Variants in LRP12 observed in about 807,000 individuals in gnomAD.
LRP12 encodes the protein LDL receptor related protein 12, also known as low-density lipoprotein receptor-related protein 12.
A neutral mutation model predicts 66.0 loss-of-function variants in LRP12; 14 were observed. That is an observed-to-expected ratio of 0.21 (90% CI 0.14 to 0.33). The LOEUF (loss-of-function observed/expected upper bound fraction) is 0.33. LRP12 is among the 10% of genes least tolerant of loss of function. The pLI, the probability that LRP12 is intolerant of heterozygous loss-of-function variation, is 1.00. For synonymous variants in LRP12, 357 were observed against 359.1 expected, an observed-to-expected ratio of 0.99 and a Z score of 0.07; for missense variants, 889 against 1,053.4, an observed-to-expected ratio of 0.84 and a Z score of 2.16.
At chr8:104,509,131 T>C (rs1588486610) in intron 2 of LRP12, 57 bp from the exon 3 acceptor site, 1 of 1,508,350 alleles carries the variant, frequency 6.6e-7, no homozygotes, top group East Asian at 2.3e-5. Flanking sequence ...TGGTATTAGG[T>C]AAATCAGTGT....
At chr8:104,558,679 G>A (rs1203448381) in intron 1 of LRP12, among the ~76,000 whole-genome samples, 1 of 151,902 alleles carries the variant, frequency 6.6e-6, no homozygotes, top group Non-Finnish European at 1.5e-5. Flanking sequence ...AACCCACAGA[G>A]TGGGACAAAA....
intron 5 of LRP12, chr8:104,495,572 T>C: frequency 6.2e-6 from 1 of 160,596 alleles, no homozygotes; most frequent in Non-Finnish European, 1.4e-5. Context: ...CTTTGACTCT[T>C]CATTGTGCTC....
intron 1 of LRP12, among the ~76,000 whole-genome samples, chr8:104,557,923 A>G (rs1048083111): frequency 6.6e-6 from 1 of 152,194 alleles, no homozygotes; most frequent in African/African-American, 2.4e-5. Context: ...AAAAGTAGGC[A>G]TATAGGCCTA....
In LRP12 at chr8:104,491,278, T is replaced by A; in HGVS notation, c.1975A>T (p.Asn659Tyr). 1 of 1,614,162 alleles carries A rather than the reference T, an allele frequency of 6.2e-7. No individual in the cohort carries two copies. Among genetic ancestry groups the A allele is most frequent in the African/African-American group, 1.3e-5 (1 of 75,030 alleles). Residue 659 changes from asparagine to tyrosine, a missense_variant, in exon 7 of 7, where the codon AAT becomes TAT. By Grantham distance (143) the Asn-to-Tyr change is moderately radical (BLOSUM62 -2). Coordinates refer to ENST00000276654, the MANE Select transcript of LRP12 (RefSeq NM_013437.5). Reference protein sequence around the residue: ...SVESDDTDTENERRDMAGASG... With the variant: ...SVESDDTDTEYERRDMAGASG... ...GCTCCTGCCATATCTCTTCTCTCAT[T>A]TTCTGTGTCTGTATCATCAGACTCC...
intron 1 of LRP12, among the ~76,000 whole-genome samples, chr8:104,535,571 T>G (rs1243386819): frequency 6.6e-6 from 1 of 152,022 alleles, no homozygotes; most frequent in Non-Finnish European, 1.5e-5. Context: ...CACCTAAGAT[T>G]TGATAGGTAT....
intron 6 of LRP12, 63 bp from the exon 7 acceptor site, chr8:104,491,602 A>C (rs1201672273): frequency 3.1e-6 from 4 of 1,309,978 alleles, no homozygotes; most frequent in Non-Finnish European, 4.1e-6. Flanking sequence ...AAAAAAAAAA[A>C]AAACACCCTT....
In LRP12 at chr8:104,566,501, T is replaced by C. The variant is rs185777926; in HGVS notation, c.79+22318A>G. ...TTCTGTTATATTAAGAGTGTGTCCATACTATTGACATTTTATAATCAAGAG... is the reference window on the plus strand; with the variant it reads ...TTCTGTTATATTAAGAGTGTGTCCACACTATTGACATTTTATAATCAAGAG... On this transcript the variant is annotated intron_variant, in intron 1 of 6. Coordinates refer to ENST00000276654, the MANE Select transcript of LRP12 (RefSeq NM_013437.5). 73 of 157,950 alleles carry C rather than the reference T, an allele frequency of 4.6e-4. 1 individual carries two copies. The East Asian group carries it at 0.012, about 26-fold the overall frequency. The allele number at this position is 157,950 out of a possible 1,614,324, so 9.8% of individuals were successfully genotyped here.
chr8:104,492,993 GTTA>G (rs1810661513), intron 6 of LRP12, among the ~76,000 whole-genome samples: 1 of 152,152 alleles, frequency 6.6e-6, no homozygotes, highest in Non-Finnish European at 1.5e-5. Context: ...AGGCTCTTCT[GTTA>G]TCCTCTGTTG....
intron 4 of LRP12, among the ~76,000 whole-genome samples, chr8:104,498,597 T>C (rs1319666115): frequency 1.3e-5 from 2 of 152,210 alleles, no homozygotes; most frequent in East Asian, 3.8e-4. Flanking sequence ...CCATGGTGTA[T>C]ATGTACCAAC....
chr8:104,526,809 A>T (rs1811246356), intron 2 of LRP12, among the ~76,000 whole-genome samples: 1 of 145,686 alleles, frequency 6.9e-6, no homozygotes, highest in Admixed American at 6.8e-5. Context: ...AAGCAATGGC[A>T]ACAAAAGCCA....
chr8:104,525,136 A>G (rs1201957116), intron 2 of LRP12, among the ~76,000 whole-genome samples: 1 of 152,134 alleles, frequency 6.6e-6, no homozygotes, highest in Non-Finnish European at 1.5e-5. Flanking sequence ...TTTCTGTGGT[A>G]TAATTCATAA....
intron 1 of LRP12, among the ~76,000 whole-genome samples, chr8:104,548,060 T>A (rs1433003623): frequency 1.7e-5 from 2 of 120,474 alleles, no homozygotes; most frequent in Non-Finnish European, 3.2e-5. Context: ...TTATATTTTG[T>A]ATATAATATA....
At chr8:104,500,176 G>C (rs146083375) in intron 3 of LRP12, among the ~76,000 whole-genome samples, 206 of 152,220 alleles carry the variant, frequency 1.4e-3, no homozygotes, top group Non-Finnish European at 2.2e-3. Flanking sequence ...CAGAAAATTA[G>C]TCACTGCTTA....
intron 1 of LRP12, among the ~76,000 whole-genome samples, chr8:104,547,950 TATATACCATTGTTATATTTTGTATATA>T (rs1811623011): frequency 7.8e-6 from 1 of 128,654 alleles, no homozygotes; most frequent in African/African-American, 2.9e-5. Flanking sequence ...TTATATTTTG[TATATACCATTGTTATATTTTGTATATA>T]ATATATAATT....
intron 2 of LRP12, among the ~76,000 whole-genome samples, chr8:104,514,585 C>T (rs916433171): frequency 1.1e-4 from 17 of 149,670 alleles, no homozygotes; most frequent in South Asian, 4.2e-4. Flanking sequence ...CGTGGTGGTG[C>T]GCACCTGTAG....
chr8:104,561,867 C>T (rs993844170), intron 1 of LRP12, among the ~76,000 whole-genome samples: 3 of 152,182 alleles, frequency 2.0e-5, no homozygotes, highest in African/African-American at 7.2e-5. Context: ...TCCCTGGTTT[C>T]GCTTGTACTT....
chr8:104,555,648 C>T (rs1588504051), intron 1 of LRP12, among the ~76,000 whole-genome samples: 2 of 152,172 alleles, frequency 1.3e-5, no homozygotes, highest in East Asian at 3.9e-4. Flanking sequence ...CACTGGAGCT[C>T]TCAAATTTAC....
chr8:104,587,615 A>C (rs925623947), intron 1 of LRP12, among the ~76,000 whole-genome samples: 1 of 152,322 alleles, frequency 6.6e-6, no homozygotes, highest in African/African-American at 2.4e-5. Flanking sequence ...TACGTTCATT[A>C]ATTCTTCATT....
rs142363501 is a variant in LRP12 at position 104,546,161 on chromosome 8, A to G, written c.80-14198T>C. ...GAGACTAGCGATAAAAATGTTAGAA[A>G]CCTTTGGTATCAACTCTATTTTATT... On this transcript the variant is annotated intron_variant, in intron 1 of 6. Coordinates refer to ENST00000276654, the MANE Select transcript of LRP12 (RefSeq NM_013437.5). Among the ~76,000 whole-genome samples, 915 of 152,188 alleles carry G rather than the reference A, an allele frequency of 6.0e-3. 9 individuals are homozygous for G. The highest frequency in any genetic ancestry group is 0.012 in the Admixed American group (190 of 15,266).
Sources: gnomAD v4.1 joint callset for allele counts (sites outside exome capture counted in the v4.1 genomes callset) on GRCh38, gnomAD v4.1.1 for gene constraint, MANE v1.5 for transcripts, NCBI Gene and HGNC (gene_info 2026-07-23, HGNC 2026-07-21) for gene names.